Variants in APOO observed in about 807,000 individuals in gnomAD.
APOO encodes the protein MICOS complex subunit MIC26.
APOO carries 11 observed loss-of-function variants against 23.1 expected under a neutral mutation model. The ratio of observed to expected loss-of-function variants is 0.48; its 90% CI spans 0.30 to 0.79. The LOEUF (loss-of-function observed/expected upper bound fraction) is 0.79, where lower values mean the gene tolerates loss of function less well. Among genes scored for constraint, APOO ranks in the 30% least tolerant of loss-of-function variants. APOO has a pLI of 0.07. For synonymous variants in APOO, 59 were observed against 54.8 expected (o/e 1.08, Z -0.34); for missense variants, 160 against 142.7 (o/e 1.12, Z -0.62).
chrX:23,882,537 T>C (rs1375005831), intron 1 of APOO, among the ~76,000 whole-genome samples: 2 of 112,420 alleles, frequency 1.8e-5, no homozygotes, highest in African/African-American at 6.5e-5. Context: ...GAGCATGCCT[T>C]GTGTGTTAGG....
chrX:23,907,747 CA>C lies in APOO; in HGVS notation c.-46del. ...CCGGCAGGGTCACCCCGGCCTCGGC[CA>C]CGCCCACTATAGAGAGGTGACTACG... On this transcript the variant is annotated 5_prime_UTR_variant, in exon 1 of 9. Transcript: ENST00000379226. 8.6e-7 allele frequency: 1 copy of C among 1,156,533 alleles called. No homozygotes were observed. Among genetic ancestry groups the C allele is most frequent in the Non-Finnish European group, 1.2e-6 (1 of 868,287 alleles).
intron 1 of APOO, among the ~76,000 whole-genome samples, chrX:23,891,459 T>C (rs1406251943): frequency 1.8e-5 from 2 of 111,806 alleles, no homozygotes; most frequent in African/African-American, 6.5e-5. Context: ...ACTCCTGGGC[T>C]CAAGGGATCC....
At position 23,871,184 on chromosome X, in the gene APOO, C is replaced by T. The variant is rs774074369; in HGVS notation, c.293-2496G>A. On this transcript the variant is annotated intron_variant, in intron 4 of 8. Transcript: ENST00000379226. ...TGGCTAACATGGTGAAACCCCAACT[C>T]TACTAAAAATACCAAAAAAAAAAAA... 4.2e-5 allele frequency among the ~76,000 whole-genome samples: 4 copies of T among 94,604 alleles called. No individual in the cohort carries two copies. The East Asian group carries it at 1.5e-3, about 35-fold the overall frequency. The allele number at this position is 94,604 out of a possible 115,157, so 82.2% of individuals were successfully genotyped here. A position where few individuals can be genotyped will look rare whatever the true frequency, so the allele number is the denominator to read the frequency against.
intron 1 of APOO, among the ~76,000 whole-genome samples, chrX:23,898,071 A>C (rs1343447875): frequency 9.4e-6 from 1 of 106,582 alleles, no homozygotes; most frequent in African/African-American, 3.4e-5. Context: ...AAAAAAATCT[A>C]CCTAGACATG....
At chrX:23,873,619 AC>A (rs1925717456) in intron 4 of APOO, among the ~76,000 whole-genome samples, 1 of 110,610 alleles carries the variant, frequency 9.0e-6, no homozygotes, top group South Asian at 3.8e-4. Context: ...AAAAAAAAAA[AC>A]AAAAAACCAG....
At position 23,891,010 on chromosome X, in the gene APOO, T is replaced by C. The variant is rs556157411; in HGVS notation, c.10-10058A>G. The stretch of plus-strand genomic sequence containing the variant: ...CCCCACTGGACATCTGGCATCTTGG[T>C]TGCACCCTGAAACTGGTGACTACTC... On this transcript the variant is annotated intron_variant, in intron 1 of 8. Transcript: ENST00000379226. Among the ~76,000 whole-genome samples the C allele has an allele frequency of 4.4e-4, 49 of 111,137 alleles. 1 individual carries two copies. The South Asian group carries it at 0.017, about 39-fold the overall frequency.
At chrX:23,889,741 C>T (rs1926550996) in intron 1 of APOO, among the ~76,000 whole-genome samples, 1 of 102,142 alleles carries the variant, frequency 9.8e-6, no homozygotes, top group South Asian at 5.1e-4. Flanking sequence ...TGGCTCACTG[C>T]AAGCTCCGCC....
intron 1 of APOO, among the ~76,000 whole-genome samples, chrX:23,881,392 T>TA (rs1385202065): frequency 9.4e-6 from 1 of 106,481 alleles, no homozygotes; most frequent in African/African-American, 3.4e-5. Flanking sequence ...TATATTTTTT[T>TA]AAAAAATCAG....
chrX:23,862,783 AGAG>A (rs1185446138), intron 5 of APOO, among the ~76,000 whole-genome samples: 1 of 92,339 alleles, frequency 1.1e-5, no homozygotes, highest in Non-Finnish European at 2.2e-5. Flanking sequence ...CAGAAAGAAA[AGAG>A]AAGAGAAGAG....
At position 23,876,440 on chromosome X, in the gene APOO, A is replaced by T. The variant is rs1159087405; in HGVS notation, c.238-1983T>A. On this transcript the variant is annotated intron_variant, in intron 3 of 8. Coordinates refer to ENST00000379226, the MANE Select transcript of APOO (RefSeq NM_024122.5). Reference sequence around the variant, plus strand: ...TCTACCAAAAAAAAAAAAAAAAAAGAAAAAACTTCAGATCAATATCTAGAA... The same window carrying T: ...TCTACCAAAAAAAAAAAAAAAAAAGTAAAAACTTCAGATCAATATCTAGAA... 3.6e-4 allele frequency among the ~76,000 whole-genome samples: 38 copies of T among 104,919 alleles called. No homozygotes were observed. The South Asian group carries it at 5.0e-3, about 14-fold the overall frequency. 91.1% of individuals were successfully genotyped at this position (104,919 alleles called of 115,157 possible).
chrX:23,869,951 CAA>C (rs112428925), intron 4 of APOO, among the ~76,000 whole-genome samples: 2 of 69,710 alleles, frequency 2.9e-5, no homozygotes. Flanking sequence ...GACTCCTTCT[CAA>C]AAAAAAAAAA....
chrX:23,849,537 G>A (rs1924424012), intron 7 of APOO, among the ~76,000 whole-genome samples: 1 of 94,061 alleles, frequency 1.1e-5, no homozygotes, highest in African/African-American at 4.1e-5. Flanking sequence ...CTGTAAGGAA[G>A]TCAACTCCAA....
At chrX:23,898,201 T>TA (rs1365222732) in intron 1 of APOO, among the ~76,000 whole-genome samples, 2 of 108,473 alleles carry the variant, frequency 1.8e-5, no homozygotes, top group Non-Finnish European at 3.8e-5. Flanking sequence ...TGGGCTCAAG[T>TA]GATCCTCCCA....
At chrX:23,850,350 C>A (rs1369320149) in intron 7 of APOO, among the ~76,000 whole-genome samples, 1 of 111,751 alleles carries the variant, frequency 8.9e-6, no homozygotes, top group Non-Finnish European at 1.9e-5. Flanking sequence ...CTTTTAAAGC[C>A]ATCACACTGG....
At chrX:23,885,766 C>T (rs1279110606) in intron 1 of APOO, among the ~76,000 whole-genome samples, 1 of 111,096 alleles carries the variant, frequency 9.0e-6, no homozygotes, top group Non-Finnish European at 1.9e-5. Flanking sequence ...CCCTGATACC[C>T]ATTCCACAGC....
At chrX:23,864,719 ATGTTAT>A (rs1289454061) in intron 5 of APOO, among the ~76,000 whole-genome samples, 3 of 112,327 alleles carry the variant, frequency 2.7e-5, no homozygotes, top group Non-Finnish European at 5.6e-5. Flanking sequence ...GAGAATACAA[ATGTTAT>A]CAACCTAGAC....
chrX:23,864,258 G>C (rs1925236387), intron 5 of APOO, among the ~76,000 whole-genome samples: 1 of 110,855 alleles, frequency 9.0e-6, no homozygotes, highest in Non-Finnish European at 1.9e-5. Flanking sequence ...GCCTCCCAAA[G>C]TGCTGGGATT....
chrX:23,899,929 A>G (rs183121956), intron 1 of APOO, among the ~76,000 whole-genome samples: 29 of 112,235 alleles, frequency 2.6e-4, no homozygotes, highest in African/African-American at 9.4e-4. Flanking sequence ...TGGGGTAATC[A>G]ATTCATTTAT....
At chrX:23,882,580 C>T (rs9988337) in intron 1 of APOO, among the ~76,000 whole-genome samples, 13,095 of 111,163 alleles carry the variant, frequency 0.12, 876 homozygotes, top group South Asian at 0.52. Flanking sequence ...TGGAGTAAGA[C>T]ATATCCTCAC....
Sources: allele counts gnomAD v4.1 joint callset (sites outside exome capture counted in the v4.1 genomes callset), GRCh38; gene constraint gnomAD v4.1.1; transcripts MANE v1.5; gene names NCBI Gene and HGNC (gene_info 2026-07-23, HGNC 2026-07-21).